The following ADAR variants were observed in gnomAD, a reference collection of about 807,000 sequenced individuals.
ADAR encodes the protein double-stranded RNA-specific adenosine deaminase.
A neutral mutation model predicts 113.2 loss-of-function variants in ADAR; 41 were observed. The ratio of observed to expected loss-of-function variants is 0.36; its 90% confidence interval spans 0.28 to 0.47. The LOEUF (loss-of-function observed/expected upper bound fraction) is 0.47, where lower values mean the gene tolerates loss of function less well. Ranked by LOEUF, ADAR falls within the 20% of genes least tolerant of loss-of-function variation. ADAR has a pLI of 1.00. For synonymous variants in ADAR, 605 were observed against 572.6 expected, an observed-to-expected ratio of 1.06 and a Z score of -0.81; for missense variants, 1,242 against 1,540.9, an observed-to-expected ratio of 0.81 and a Z score of 3.25.
chr1:154,589,711 G>A (rs374897040), intron 8 of ADAR, 46 bp downstream of exon 8: 167 of 1,612,738 alleles, frequency 1.0e-4, no homozygotes, highest in African/African-American at 1.0e-3. Context: ...AGAGGCACCC[G>A]CTTTCAGGCG....
At chr1:154,610,260 T>C (rs1170488991), upstream of ADAR, among the ~76,000 whole-genome samples, 1 of 126,620 alleles carries the variant, frequency 7.9e-6, no homozygotes, top group East Asian at 2.6e-4. Context: ...AAGAAGTTCA[T>C]GGTTGCATTA....
intron 1 of ADAR, among the ~76,000 whole-genome samples, chr1:154,626,977 A>G (rs577516113): frequency 2.0e-5 from 3 of 152,156 alleles, no homozygotes; most frequent in Non-Finnish European, 4.4e-5. Context: ...TCTGCCCCCA[A>G]TGACCCGCTC....
chr1:154,596,864 G>A lies in ADAR; in HGVS notation c.2211C>T (p.Ser737=), dbSNP rs1461815189. 3 of 1,614,110 alleles carry A rather than the reference G, an allele frequency of 1.9e-6. No individual in the cohort carries two copies. Among genetic ancestry groups the A allele is most frequent in the Non-Finnish European group, 2.5e-6 (3 of 1,180,026 alleles). ...PVGGLLEYAR[S]HGFAAEFKLV... ...ACTTGAATTCAGCAGCAAAGCCATGGGAGCGGGCGTACTCCAAAAGGCCAC... is the reference window on the plus strand; with the variant it reads ...ACTTGAATTCAGCAGCAAAGCCATGAGAGCGGGCGTACTCCAAAAGGCCAC... The change falls in exon 6 of 15, where the codon TCC becomes TCT. Residue 737 remains serine (S), a synonymous_variant. Coordinates refer to ENST00000368474, the MANE Select transcript of ADAR (RefSeq NM_001111.5).
At position 154,602,361 on chromosome 1, in the gene ADAR, G is replaced by C. The variant is rs1697940964; in HGVS notation, c.281C>G (p.Pro94Arg). 13 of 1,606,578 alleles carry C rather than the reference G, an allele frequency of 8.1e-6. No individual in the cohort carries two copies. The highest frequency in any genetic ancestry group is 1.3e-5 in the African/African-American group (1 of 74,794). ...RGRQVDIRGVPRGVHLRSQGL... is the reference protein window; with the variant it reads ...RGRQVDIRGVRRGVHLRSQGL... Reference sequence around the variant, plus strand: ...CTGACTTCTGAGATGCACGCCCCTGGGGACACCCCTGATGTCCACTTGCCT... The same window carrying C: ...CTGACTTCTGAGATGCACGCCCCTGCGGACACCCCTGATGTCCACTTGCCT... The change falls in exon 2 of 15, where the codon CCC (proline) becomes CGC (arginine). Residue 94 changes from proline (P) to arginine (R), a missense_variant. This residue lies in a region of ADAR where 462 missense variants were observed against 483.1 expected (regional missense o/e 0.96). Transcript: ENST00000368474.
exon 1 of ADAR, chr1:154,627,913 G>GGCCCTCCCCCCCCCCCCCCCCCC: frequency 7.7e-6 from 4 of 517,174 alleles, no homozygotes; most frequent in South Asian, 4.2e-5. Flanking sequence ...GTGCGGCCGC[G>GGCCCTCCCCCCCCCCCCCCCCCC]ACCCTCCCCC....
chr1:154,609,246 G>A (rs139419909), upstream of ADAR, among the ~76,000 whole-genome samples: 12 of 152,168 alleles, frequency 7.9e-5, no homozygotes, highest in East Asian at 2.3e-3. Flanking sequence ...TTATCTAGAG[G>A]GACAAAAGTC....
upstream of ADAR, chr1:154,608,282 C>A: frequency 6.1e-6 from 3 of 493,820 alleles, no homozygotes; most frequent in Middle Eastern, 5.2e-4. Context: ...TGGTTTCAGG[C>A]CGGTTACAAG....
chr1:154,593,420 A>G (rs1447246837), intron 6 of ADAR, among the ~76,000 whole-genome samples: 5 of 152,160 alleles, frequency 3.3e-5, no homozygotes, highest in Non-Finnish European at 5.9e-5. Flanking sequence ...CTATGGCTAT[A>G]TGTCTGCTAC....
intron 1 of ADAR, among the ~76,000 whole-genome samples, chr1:154,625,183 T>C (rs987998546): frequency 2.6e-5 from 4 of 152,166 alleles, no homozygotes; most frequent in Non-Finnish European, 2.9e-5. Flanking sequence ...TAAAAGATAA[T>C]GTATCATTAG....
chr1:154,592,516 G>C (rs1176122542), intron 6 of ADAR, among the ~76,000 whole-genome samples: 1 of 152,208 alleles, frequency 6.6e-6, no homozygotes, highest in African/African-American at 2.4e-5. Context: ...GCTTGGATTA[G>C]AGTGCTGACG....
chr1:154,602,298 C>A lies in ADAR; in HGVS notation c.344G>T (p.Gly115Val). Residue 115 changes from glycine to valine, a missense_variant, in exon 2 of 15, where the codon GGC becomes GTC. By Grantham distance (109) the Gly-to-Val change is moderately radical (BLOSUM62 -3). Coordinates refer to ENST00000368474, the MANE Select transcript of ADAR (RefSeq NM_001111.5). ...AACACCTCTCTGTGGCAGACTCCTG[C>A]CACGTGGTGAAGGATGCTGGAACCC... is the stretch of plus-strand genomic sequence containing the variant. ...QRGFQHPSPR[G>V]RSLPQRGVDC... The A allele has an allele frequency of 1.2e-6, 2 of 1,613,908 alleles. No homozygotes were observed. Among genetic ancestry groups the A allele is most frequent in the African/African-American group, 2.7e-5 (2 of 75,028 alleles).
At chr1:154,597,341 T>C in intron 4 of ADAR, 74 bp from the exon 5 acceptor site, 1 of 1,571,312 alleles carries the variant, frequency 6.4e-7, no homozygotes, top group East Asian at 2.2e-5. Context: ...TCTGCCAGGC[T>C]GCCATCCTCC....
upstream of ADAR, among the ~76,000 whole-genome samples, chr1:154,611,256 C>G (rs971081589): frequency 2.6e-5 from 4 of 152,172 alleles, no homozygotes; most frequent in South Asian, 4.1e-4. Context: ...CTGCTCCCCC[C>G]ACCCCTTTTA....
intron 1 of ADAR, chr1:154,606,103 G>GTGA (rs1479292638): frequency 4.4e-6 from 1 of 227,486 alleles, no homozygotes; most frequent in Non-Finnish European, 7.3e-6. Context: ...GGAGTGCAGT[G>GTGA]TGATCTCAGC....
upstream of ADAR, among the ~76,000 whole-genome samples, chr1:154,613,072 A>G (rs1169232174): frequency 1.3e-5 from 2 of 152,020 alleles, no homozygotes; most frequent in African/African-American, 4.8e-5. Flanking sequence ...CGGCCTCCCA[A>G]AATGTTGGGA....
chr1:154,584,574 T>C lies in ADAR; in HGVS notation c.*232A>G, dbSNP rs760411966. 1.8e-6 allele frequency: 1 copy of C among 552,238 alleles called. No individual in the cohort carries two copies. Among genetic ancestry groups the C allele is most frequent in the Non-Finnish European group, 3.2e-6 (1 of 310,584 alleles). 34.2% of individuals were successfully genotyped at this position (552,238 alleles called of 1,614,324 possible). ...TAGAAAGAAAAGATAACTTCTTAGG[T>C]TTCTGCCTCTTCACTTGGGGGAAAA... On this transcript the variant is annotated 3_prime_UTR_variant, in exon 15 of 15. Transcript: ENST00000368474.
At chr1:154,617,175 G>A (rs1698655430) in intron 1 of ADAR, among the ~76,000 whole-genome samples, 1 of 152,120 alleles carries the variant, frequency 6.6e-6, no homozygotes, top group African/African-American at 2.4e-5. Context: ...GATAACACTG[G>A]CCAATAAGTA....
chr1:154,590,134 T>TCGGTGGGGGGGGGGGGGGGGGGGGGGGG, intron 7 of ADAR, 50 bp downstream of exon 7: 1 of 1,447,052 alleles, frequency 6.9e-7, no homozygotes. Flanking sequence ...ACTTAGGAGT[T>TCGGTGGGGGGGGGGGGGGGGGGGGGGGG]AGGAGGACCC....
rs1365666232 is a variant in ADAR, at chr1:154,582,550, C to T, written c.*2256G>A. ...AGATGCGTGGAATTCAGGGATGCCT[C>T]GCTCTCTTCCTACAACAGAAACTGA... On this transcript the variant is annotated 3_prime_UTR_variant, in exon 15 of 15. Coordinates refer to ENST00000368474, the MANE Select transcript of ADAR (RefSeq NM_001111.5). The T allele has an allele frequency of 6.6e-6, 1 of 152,120 alleles. No individual in the cohort carries two copies. Among genetic ancestry groups the T allele is most frequent in the South Asian group, 2.1e-4 (1 of 4,818 alleles). The allele number at this position is 152,120 out of a possible 1,614,324, so 9.4% of individuals were successfully genotyped here.
Sources: gnomAD v4.1 joint callset for allele counts (sites outside exome capture counted in the v4.1 genomes callset) on GRCh38, gnomAD v4.1.1 for gene constraint, gnomAD v4.1.1 regional missense constraint, MANE v1.5 for transcripts, NCBI Gene and HGNC (gene_info 2026-07-23, HGNC 2026-07-21) for gene names.